Variants in FLI1 observed in about 807,000 individuals in gnomAD.
FLI1 encodes the protein Fli-1 proto-oncogene, ETS transcription factor.
Under a neutral mutation model 53.1 loss-of-function variants are expected in FLI1, and 13 were observed. That is an observed-to-expected ratio of 0.24 (90% CI 0.16 to 0.39). The LOEUF is 0.39. Ranked by LOEUF, FLI1 falls within the 10% of genes least tolerant of loss-of-function variation. The probability of loss-of-function intolerance (pLI) is 1.00; values close to 1 mark genes in which losing one functional copy is unlikely to be tolerated. For synonymous variants in FLI1, 244 were observed against 236.7 expected, an observed-to-expected ratio of 1.03 and a Z score of -0.28; for missense variants, 424 against 600.5, an observed-to-expected ratio of 0.71 and a Z score of 3.07.
chr11:128,771,947 C>T (rs1378376096), intron 3 of FLI1, among the ~76,000 whole-genome samples: 1 of 152,006 alleles, frequency 6.6e-6, no homozygotes, highest in Non-Finnish European at 1.5e-5. Context: ...GGGCTTCAGA[C>T]TGTGATGAGT....
At chr11:128,784,411 A>C (rs1942024656) in intron 5 of FLI1, among the ~76,000 whole-genome samples, 1 of 152,164 alleles carries the variant, frequency 6.6e-6, no homozygotes, top group Non-Finnish European at 1.5e-5. Context: ...GCTGGGTAGC[A>C]ACCCCTCTTC....
chr11:128,810,928 C>T lies in FLI1; in HGVS notation c.1299C>T (p.Asn433=), dbSNP rs1343897959. 6.2e-7 allele frequency: 1 copy of T among 1,614,052 alleles called. No homozygotes were observed. The highest frequency in any genetic ancestry group is 1.7e-5 in the Admixed American group (1 of 60,028). The change falls in exon 9 of 9, where the codon AAC becomes AAT. Residue 433 remains asparagine (N), a synonymous_variant. Coordinates refer to ENST00000527786, the MANE Select transcript of FLI1 (RefSeq NM_002017.5). The surrounding 1 kb of genome is among the most constrained non-coding windows in gnomAD (Gnocchi z 6.6). ...CCCCCACGGGGGGAATCTACCCCAACCCCAACGTCCCCCGCCATCCTAACA... is the reference window on the plus strand; with the variant it reads ...CCCCCACGGGGGGAATCTACCCCAATCCCAACGTCCCCCGCCATCCTAACA... The part of the protein sequence containing the change: ...WTSPTGGIYP[N]PNVPRHPNTH...
At chr11:128,700,108 C>A (rs77015535) in intron 1 of FLI1, among the ~76,000 whole-genome samples, 4 of 152,300 alleles carry the variant, frequency 2.6e-5, no homozygotes, top group South Asian at 4.1e-4. Context: ...GAGAGACAGA[C>A]AAAGACCTCA....
intron 2 of FLI1, among the ~76,000 whole-genome samples, chr11:128,765,163 C>G: frequency 6.6e-6 from 1 of 152,188 alleles, no homozygotes; most frequent in East Asian, 1.9e-4. Context: ...CAAGAGAGCC[C>G]CCTCCTCCTC....
chr11:128,807,782 C>T (rs938047347), intron 7 of FLI1, among the ~76,000 whole-genome samples: 3 of 152,092 alleles, frequency 2.0e-5, no homozygotes, highest in Admixed American at 1.3e-4. Flanking sequence ...TAAAACAGGG[C>T]GTTGACTTTC....
At chr11:128,694,711 G>C (rs553242923) in intron 1 of FLI1, among the ~76,000 whole-genome samples, 1 of 152,322 alleles carries the variant, frequency 6.6e-6, no homozygotes, top group African/African-American at 2.4e-5. Context: ...GCGGGGGCGG[G>C]GGCTGCAGTC....
intron 1 of FLI1, among the ~76,000 whole-genome samples, chr11:128,697,960 A>G (rs1454404159): frequency 6.6e-6 from 1 of 152,334 alleles, no homozygotes; most frequent in African/African-American, 2.4e-5. Flanking sequence ...TAATGACGCT[A>G]TATAGCCAGG....
intron 1 of FLI1, among the ~76,000 whole-genome samples, chr11:128,698,708 T>TTG (rs1392799033): frequency 1.3e-5 from 1 of 79,196 alleles, no homozygotes; most frequent in African/African-American, 5.3e-5. Context: ...GTGTATGTGT[T>TTG]TGCGTGTGTG....
rs751738832 is a variant in FLI1 at position 128,799,020 on chromosome 11, ATAT to A, written c.656-6314_656-6312del. ...AAAGAAAGCCACGATTTATTTTATTATATTATTATTATTATTATTATTATTATT... is the reference window on the plus strand; with the variant it reads ...AAAGAAAGCCACGATTTATTTTATTATATTATTATTATTATTATTATTATT... On this transcript the variant is annotated intron_variant, in intron 5 of 8. Transcript: ENST00000527786. Among the ~76,000 whole-genome samples the A allele has an allele frequency of 1.1e-3, 148 of 139,374 alleles. 2 individuals are homozygous for A. Among genetic ancestry groups the A allele is most frequent in the African/African-American group, 3.3e-3 (124 of 37,474 alleles). The allele number at this position is 139,374 out of a possible 152,430, so 91.4% of individuals were successfully genotyped here. A position where few individuals can be genotyped will look rare whatever the true frequency, so the allele number is the denominator to read the frequency against.
intron 1 of FLI1, among the ~76,000 whole-genome samples, chr11:128,755,434 A>C (rs1940821695): frequency 6.6e-6 from 1 of 152,200 alleles, no homozygotes; most frequent in African/African-American, 2.4e-5. Context: ...CACTCTTATC[A>C]CCAAAAGACA....
intron 1 of FLI1, among the ~76,000 whole-genome samples, chr11:128,704,026 G>A (rs555199995): frequency 6.6e-6 from 1 of 152,040 alleles, no homozygotes; most frequent in Non-Finnish European, 1.5e-5. Context: ...TCCAGCCCCA[G>A]CTCTATCCCA....
intron 1 of FLI1, among the ~76,000 whole-genome samples, chr11:128,737,069 G>A (rs1939943797): frequency 1.3e-5 from 2 of 152,210 alleles, no homozygotes; most frequent in South Asian, 4.1e-4. Context: ...CAGTGCTCAA[G>A]AGGCAGTATT....
At chr11:128,789,099 G>A (rs557235566) in intron 5 of FLI1, among the ~76,000 whole-genome samples, 25 of 152,316 alleles carry the variant, frequency 1.6e-4, no homozygotes, top group Admixed American at 1.1e-3. Flanking sequence ...GCATGGCAGG[G>A]CTGGAAATAG....
intron 1 of FLI1, among the ~76,000 whole-genome samples, chr11:128,730,893 G>A (rs867607633): frequency 2.6e-5 from 4 of 152,146 alleles, no homozygotes; most frequent in Non-Finnish European, 5.9e-5. Flanking sequence ...GAATGTGTCC[G>A]GAAATCTTTT....
chr11:128,786,459 G>A (rs916897931), intron 5 of FLI1, among the ~76,000 whole-genome samples: 3 of 152,280 alleles, frequency 2.0e-5, no homozygotes, highest in African/African-American at 4.8e-5. Flanking sequence ...TCTTTCTGAC[G>A]TGTCCTCATT....
chr11:128,733,108 G>A (rs193062437), intron 1 of FLI1, among the ~76,000 whole-genome samples: 11 of 152,252 alleles, frequency 7.2e-5, no homozygotes, highest in Admixed American at 1.3e-4. Context: ...TGGAGATCCT[G>A]AAGCTCCAAG....
chr11:128,698,047 A>G (rs1364569038), intron 1 of FLI1, among the ~76,000 whole-genome samples: 2 of 152,182 alleles, frequency 1.3e-5, no homozygotes, highest in African/African-American at 4.8e-5. Flanking sequence ...AGAAGAGTAC[A>G]GCACCAACCA....
intron 3 of FLI1, among the ~76,000 whole-genome samples, chr11:128,772,354 C>G (rs184799709): frequency 9.8e-5 from 15 of 152,332 alleles, no homozygotes; most frequent in Middle Eastern, 3.4e-3. Context: ...GTAAAAGTCT[C>G]TCTGTTTCTT....
At chr11:128,716,396 A>T (rs1056449865) in intron 1 of FLI1, among the ~76,000 whole-genome samples, 1 of 152,084 alleles carries the variant, frequency 6.6e-6, no homozygotes, top group African/African-American at 2.4e-5. Flanking sequence ...AAAAGCAGTT[A>T]TTCTTCTGTC....
Sources: allele counts gnomAD v4.1 joint callset (sites outside exome capture counted in the v4.1 genomes callset), GRCh38; gene constraint gnomAD v4.1.1; non-coding constraint Gnocchi (gnomAD v3.1); transcripts MANE v1.5; gene names NCBI Gene and HGNC (gene_info 2026-07-23, HGNC 2026-07-21).